CSMD3: variants seen among roughly 807,000 people sequenced by gnomAD.
The protein encoded by CSMD3 is CUB and Sushi multiple domains 3.
In CSMD3, 177 loss-of-function variants were observed where a neutral mutation model predicts 435.2. The observed-to-expected ratio is 0.41, with a 90% CI of 0.36 to 0.46. CSMD3 has a LOEUF of 0.46. CSMD3 is among the 20% of genes least tolerant of loss of function. CSMD3 has a pLI of 0.34. For synonymous variants in CSMD3, 1,656 were observed against 1,520.5 expected, an observed-to-expected ratio of 1.09 and a Z score of -2.07; for missense variants, 4,265 against 4,504.6, an observed-to-expected ratio of 0.95 and a Z score of 1.52.
chr8:112,231,494 G>T (rs1235625171), intron 69 of CSMD3, 51 bp downstream of exon 69: 1 of 1,094,470 alleles, frequency 9.1e-7, no homozygotes. Context: ...TTTTTTTTAT[G>T]ATGTCTGGGA....
intron 9 of CSMD3, among the ~76,000 whole-genome samples, chr8:112,931,729 A>G (rs775239830): frequency 1.5e-4 from 23 of 152,164 alleles, no homozygotes; most frequent in Non-Finnish European, 2.9e-4. Context: ...TGAATTTAAA[A>G]GGAAATCAAA....
Position 112,638,672 on chromosome 8 carries a change from C to A in CSMD3, c.3526+24G>T, listed in dbSNP as rs372220925. The A allele has an allele frequency of 5.2e-6, 7 of 1,355,332 alleles. No individual in the cohort carries two copies. In the African/African-American group the frequency reaches 7.2e-5, roughly 14 times the overall value. 84.0% of individuals were successfully genotyped at this position (1,355,332 alleles called of 1,614,324 possible). ...GCTTTTTTAAAAGTTACTGAATGAG[C>A]CCTTTTGTTTTTTATTTTCTCACCA... On this transcript the variant is annotated intron_variant, in intron 21 of 70. Transcript: ENST00000297405.
intron 6 of CSMD3, among the ~76,000 whole-genome samples, chr8:112,987,246 A>G (rs1273318967): frequency 6.6e-6 from 1 of 152,112 alleles, no homozygotes; most frequent in Non-Finnish European, 1.5e-5. Flanking sequence ...GAAGATGAAT[A>G]TTCAATCATT....
At chr8:112,349,018 G>A (rs1825911257) in intron 40 of CSMD3, among the ~76,000 whole-genome samples, 1 of 151,930 alleles carries the variant, frequency 6.6e-6, no homozygotes, top group Admixed American at 6.6e-5. Context: ...TAATATTTAT[G>A]AAAGGTTTTA....
At chr8:113,099,053 A>C (rs1484828228) in intron 4 of CSMD3, 90 bp from the exon 5 acceptor site, 1 of 831,406 alleles carries the variant, frequency 1.2e-6, no homozygotes, top group Admixed American at 1.9e-5. Flanking sequence ...ATGTTTGGAT[A>C]AAAATAACAG....
At chr8:113,196,259 T>C (rs974158570) in intron 3 of CSMD3, among the ~76,000 whole-genome samples, 10 of 150,942 alleles carry the variant, frequency 6.6e-5, no homozygotes, top group Admixed American at 1.3e-4. Flanking sequence ...ACTGAAAAAA[T>C]ATATTTGATT....
chr8:112,882,807 T>C (rs1029637617), intron 10 of CSMD3, among the ~76,000 whole-genome samples: 3 of 152,008 alleles, frequency 2.0e-5, no homozygotes, highest in Non-Finnish European at 4.4e-5. Flanking sequence ...GAATGACACT[T>C]AAGAAACTTT....
intron 12 of CSMD3, among the ~76,000 whole-genome samples, chr8:112,811,207 C>T (rs192450319): frequency 6.6e-6 from 1 of 151,666 alleles, no homozygotes; most frequent in Non-Finnish European, 1.5e-5. Context: ...TAATAATTAT[C>T]GTGTTATAAA....
intron 50 of CSMD3, 40 bp downstream of exon 50, chr8:112,310,938 A>T (rs2130811735): frequency 4.6e-6 from 7 of 1,527,720 alleles, no homozygotes; most frequent in Non-Finnish European, 6.4e-6. Context: ...TGCTAATCTC[A>T]CATTCATGTT....
intron 59 of CSMD3, among the ~76,000 whole-genome samples, chr8:112,270,365 T>TGTGTGTGTGTGTGTGTTAGGGGTGA (rs1554623033): frequency 2.7e-5 from 4 of 148,688 alleles, no homozygotes; most frequent in African/African-American, 1.0e-4. Context: ...TGTGTGTGTG[T>TGTGTGTGTGTGTGTGTTAGGGGTGA]GTGTGTGTGT....
rs375208453 is a variant in CSMD3 at position 113,224,157 on chromosome 8, A to C, written c.515-50241T>G. ...CTATTCGTTTTTGGTTAAATAGTATATTTTCTTTGTATTCTGTGCTTAATA... is the reference window on the plus strand; with the variant it reads ...CTATTCGTTTTTGGTTAAATAGTATCTTTTCTTTGTATTCTGTGCTTAATA... On this transcript the variant is annotated intron_variant, in intron 3 of 70. Transcript: ENST00000297405. Among the ~76,000 whole-genome samples the C allele has an allele frequency of 2.6e-5, 4 of 151,220 alleles. No homozygotes were observed. The East Asian group carries it at 7.8e-4, about 30-fold the overall frequency.
intron 16 of CSMD3, among the ~76,000 whole-genome samples, chr8:112,671,997 T>A (rs2075668187): frequency 6.6e-6 from 1 of 152,004 alleles, no homozygotes; most frequent in Non-Finnish European, 1.5e-5. Flanking sequence ...CTGCTGAAAT[T>A]GAAAAAAAAT....
At chr8:113,122,244 C>A (rs2091005636) in intron 4 of CSMD3, among the ~76,000 whole-genome samples, 1 of 152,008 alleles carries the variant, frequency 6.6e-6, no homozygotes, top group Non-Finnish European at 1.5e-5. Context: ...AAGTCTTATT[C>A]ATAAGTCTAT....
intron 10 of CSMD3, among the ~76,000 whole-genome samples, chr8:112,902,861 T>C (rs2082143858): frequency 6.6e-6 from 1 of 151,240 alleles, no homozygotes; most frequent in Admixed American, 6.6e-5. Context: ...TGCATAAGCA[T>C]TGAGAGTTGT....
intron 38 of CSMD3, among the ~76,000 whole-genome samples, chr8:112,377,753 T>C (rs1829081982): frequency 6.6e-6 from 1 of 152,124 alleles, no homozygotes; most frequent in Non-Finnish European, 1.5e-5. Flanking sequence ...AGGCACATAA[T>C]TGTATCAATG....
intron 4 of CSMD3, among the ~76,000 whole-genome samples, chr8:113,103,505 G>T (rs559137900): frequency 6.6e-6 from 1 of 152,126 alleles, no homozygotes; most frequent in Non-Finnish European, 1.5e-5. Flanking sequence ...AGACAATGTG[G>T]AATTTTAAGA....
intron 23 of CSMD3, 113 bp downstream of exon 23, chr8:112,586,953 T>C (rs1365554262): frequency 3.3e-6 from 2 of 605,604 alleles, no homozygotes; most frequent in Non-Finnish European, 5.6e-6. Context: ...AGAATCAACT[T>C]ACGGTTAATA....
At chr8:112,765,978 C>A (rs1437190244) in intron 13 of CSMD3, among the ~76,000 whole-genome samples, 3 of 151,604 alleles carry the variant, frequency 2.0e-5, no homozygotes, top group East Asian at 1.9e-4. Flanking sequence ...TGTTTAGTTT[C>A]TTTTATGCCT....
chr8:112,633,317 C>T (rs1490397487), intron 22 of CSMD3, among the ~76,000 whole-genome samples: 1 of 151,904 alleles, frequency 6.6e-6, no homozygotes, highest in East Asian at 1.9e-4. Context: ...TCAAAGTCTC[C>T]AGTCAGAGAC....
Sources: gnomAD v4.1 joint callset for allele counts (sites outside exome capture counted in the v4.1 genomes callset) on GRCh38, gnomAD v4.1.1 for gene constraint, MANE v1.5 for transcripts, NCBI Gene and HGNC (gene_info 2026-07-23, HGNC 2026-07-21) for gene names.